PARD6G: variants seen among roughly 807,000 people sequenced by gnomAD.
PARD6G encodes the protein par-6 family cell polarity regulator gamma, also known as partitioning defective 6 homolog gamma.
In PARD6G, 7 loss-of-function variants were observed where a neutral mutation model predicts 10.7. The observed-to-expected ratio is 0.66, with a 90% CI of 0.37 to 1.23. The LOEUF (loss-of-function observed/expected upper bound fraction) is 1.23. Among genes scored for constraint, PARD6G ranks in the 50% most tolerant of loss-of-function variants. The pLI is 0.02. For missense variants in PARD6G, 548 were observed against 571.8 expected, an observed-to-expected ratio of 0.96 and a Z score of 0.42; for synonymous variants, 287 against 269.4, an observed-to-expected ratio of 1.07 and a Z score of -0.64.
At chr18:80,233,144 G>T (rs1967379107) in intron 1 of PARD6G, among the ~76,000 whole-genome samples, 1 of 152,226 alleles carries the variant, frequency 6.6e-6, no homozygotes, top group Non-Finnish European at 1.5e-5. Flanking sequence ...TCTCTCTGAT[G>T]TCTGCTGCTC....
intron 1 of PARD6G, among the ~76,000 whole-genome samples, chr18:80,218,783 T>G (rs1428039774): frequency 3.3e-5 from 5 of 152,262 alleles, no homozygotes; most frequent in African/African-American, 1.2e-4. Context: ...AGCAGACTTC[T>G]GCCTGAACAT....
chr18:80,216,383 C>T (rs1242067360), intron 1 of PARD6G, among the ~76,000 whole-genome samples: 1 of 152,042 alleles, frequency 6.6e-6, no homozygotes, highest in East Asian at 1.9e-4. Flanking sequence ...TAAAACAAGT[C>T]TCAATAAGCT....
chr18:80,221,868 A>T (rs960031095), intron 1 of PARD6G, among the ~76,000 whole-genome samples: 2 of 152,252 alleles, frequency 1.3e-5, no homozygotes, highest in Non-Finnish European at 2.9e-5. Context: ...CAATATCCAC[A>T]TACAAAAATA....
chr18:80,187,923 T>C (rs972389435), intron 2 of PARD6G: 1 of 152,236 alleles, frequency 6.6e-6, no homozygotes, highest in Non-Finnish European at 1.5e-5. Context: ...CTGAATACAC[T>C]AGGCAACTGT....
At chr18:80,167,544 TCCA>T (rs923191783) in intron 2 of PARD6G, among the ~76,000 whole-genome samples, 44 of 152,166 alleles carry the variant, frequency 2.9e-4, no homozygotes, top group African/African-American at 1.1e-3. Context: ...GCAGCAACGC[TCCA>T]CCATGTTTCC....
intron 2 of PARD6G, among the ~76,000 whole-genome samples, chr18:80,196,576 T>A (rs1017012099): frequency 2.5e-4 from 38 of 152,158 alleles, no homozygotes; most frequent in African/African-American, 8.7e-4. Flanking sequence ...ACAAGGTGTT[T>A]TGCTGGGACT....
chr18:80,236,649 CAA>C (rs958367412), intron 1 of PARD6G, among the ~76,000 whole-genome samples: 2 of 152,202 alleles, frequency 1.3e-5, no homozygotes, highest in African/African-American at 4.8e-5. Flanking sequence ...GCAACTTCAG[CAA>C]AGTCTCAGGG....
At chr18:80,216,011 C>A (rs1174097370) in intron 1 of PARD6G, among the ~76,000 whole-genome samples, 1 of 151,794 alleles carries the variant, frequency 6.6e-6, no homozygotes, top group Admixed American at 6.6e-5. Context: ...GACTTTAATG[C>A]AAGAGAAAAA....
intron 2 of PARD6G, among the ~76,000 whole-genome samples, chr18:80,168,004 G>A (rs534781322): frequency 4.9e-4 from 74 of 152,270 alleles, no homozygotes; most frequent in Admixed American, 2.6e-3. Context: ...GAAACGGGCC[G>A]ACACCCCACT....
rs1967356478 is a variant in PARD6G at position 80,231,445 on chromosome 18, G to T, written c.72+15832C>A. ...TGCATCCGAGCTGTGCTGCCCACTGGGAGCGGCTGAGGGGATGCAGGCTGG... is the reference window on the plus strand; with the variant it reads ...TGCATCCGAGCTGTGCTGCCCACTGTGAGCGGCTGAGGGGATGCAGGCTGG... On this transcript the variant is annotated intron_variant, in intron 1 of 2. Coordinates refer to ENST00000353265, the MANE Select transcript of PARD6G (RefSeq NM_032510.4). This position sits in a 1 kb window ranked among gnomAD's most constrained non-coding sequence, Gnocchi z 4.2. Among the ~76,000 whole-genome samples, 1 of 152,152 alleles carries T rather than the reference G, an allele frequency of 6.6e-6. No homozygotes were observed. Among genetic ancestry groups the T allele is most frequent in the African/African-American group, 2.4e-5 (1 of 41,444 alleles).
intron 2 of PARD6G, among the ~76,000 whole-genome samples, chr18:80,199,955 T>C: frequency 6.6e-6 from 1 of 152,216 alleles, no homozygotes; most frequent in East Asian, 1.9e-4. Context: ...GAGCAACAGA[T>C]TAATTTTTTA....
rs562048164 is a variant in PARD6G at position 80,183,496 on chromosome 18, C to G, written c.295+19214G>C. ...CAGCTGAGTCCCCCAAGGCTCAGCA[C>G]GTGATCCTGCCGGTCGTACACACAG... On this transcript the variant is annotated intron_variant, in intron 2 of 2. Coordinates refer to ENST00000353265, the MANE Select transcript of PARD6G (RefSeq NM_032510.4). The surrounding 1 kb of genome is among the most constrained non-coding windows in gnomAD (Gnocchi z 4.5). Among the ~76,000 whole-genome samples, 1 of 152,258 alleles carries G rather than the reference C, an allele frequency of 6.6e-6. No individual in the cohort carries two copies. Among genetic ancestry groups the G allele is most frequent in the Non-Finnish European group, 1.5e-5 (1 of 68,020 alleles).
intron 1 of PARD6G, among the ~76,000 whole-genome samples, chr18:80,229,500 G>C (rs577540386): frequency 5.3e-5 from 8 of 152,322 alleles, no homozygotes; most frequent in African/African-American, 1.9e-4. Context: ...TCTAGCTCCT[G>C]CTCCTTGAGG....
At chr18:80,160,911 G>A (rs2052696548) in intron 2 of PARD6G, among the ~76,000 whole-genome samples, 1 of 152,222 alleles carries the variant, frequency 6.6e-6, no homozygotes, top group African/African-American at 2.4e-5. Flanking sequence ...GGGCTTGGAG[G>A]GCTGGCGAGT....
At chr18:80,233,330 T>C (rs918910265) in intron 1 of PARD6G, among the ~76,000 whole-genome samples, 2 of 151,898 alleles carry the variant, frequency 1.3e-5, no homozygotes, top group African/African-American at 4.8e-5. Context: ...AACCGGCGGG[T>C]CTCACACAGG....
intron 1 of PARD6G, among the ~76,000 whole-genome samples, chr18:80,232,876 C>G (rs1159579257): frequency 1.3e-5 from 2 of 152,158 alleles, no homozygotes; most frequent in African/African-American, 2.4e-5. Flanking sequence ...CTACAACCCA[C>G]GGGGCCACAT....
At chr18:80,163,673 C>G (rs758460020) in intron 2 of PARD6G, among the ~76,000 whole-genome samples, 1 of 152,212 alleles carries the variant, frequency 6.6e-6, no homozygotes, top group African/African-American at 2.4e-5. Flanking sequence ...GATTGAGGCT[C>G]AAGCCCAGAA....
intron 2 of PARD6G, chr18:80,170,126 A>T (rs919157836): frequency 2.0e-5 from 3 of 152,260 alleles, no homozygotes; most frequent in Admixed American, 6.5e-5. Context: ...ACCGCAGAAG[A>T]ACTACACCAC....
At chr18:80,207,884 C>T (rs1036227379) in intron 1 of PARD6G, among the ~76,000 whole-genome samples, 1 of 152,074 alleles carries the variant, frequency 6.6e-6, no homozygotes, top group South Asian at 2.1e-4. Flanking sequence ...GGACAAAAAT[C>T]TCTTGAGGGA....
Sources: allele counts gnomAD v4.1 joint callset (sites outside exome capture counted in the v4.1 genomes callset), GRCh38; gene constraint gnomAD v4.1.1; non-coding constraint Gnocchi (gnomAD v3.1); transcripts MANE v1.5; gene names NCBI Gene and HGNC (gene_info 2026-07-23, HGNC 2026-07-21).